Variants in PEBP4 observed in about 807,000 individuals in gnomAD.
The protein encoded by PEBP4 is phosphatidylethanolamine binding protein 4.
In PEBP4, 22 loss-of-function variants were observed where a neutral mutation model predicts 23.9. The observed-to-expected ratio is 0.92, with a 90% CI of 0.66 to 1.31. PEBP4 has a LOEUF of 1.31. Among genes scored for constraint, PEBP4 ranks in the 40% most tolerant of loss-of-function variants. The pLI is 0.00. For synonymous variants in PEBP4, 112 were observed against 99.3 expected (o/e 1.13, Z -0.76); for missense variants, 324 against 281.7 (o/e 1.15, Z -1.07).
chr8:22,929,094 G>C (rs1253252025), upstream of PEBP4, among the ~76,000 whole-genome samples: 1 of 152,192 alleles, frequency 6.6e-6, no homozygotes. Flanking sequence ...CTCCTCACAA[G>C]ATCATTATGA....
At chr8:22,839,247 C>T (rs569366811) in intron 3 of PEBP4, among the ~76,000 whole-genome samples, 11 of 152,050 alleles carry the variant, frequency 7.2e-5, no homozygotes, top group South Asian at 2.1e-4. Flanking sequence ...TTGGTCATCA[C>T]GGGATTCAGC....
intron 4 of PEBP4, among the ~76,000 whole-genome samples, chr8:22,761,111 A>G (rs562699764): frequency 6.6e-6 from 1 of 152,022 alleles, no homozygotes; most frequent in African/African-American, 2.4e-5. Context: ...GGACCCTGCC[A>G]GGCCCCAAAG....
chr8:22,936,171 A>C (rs1204111793), intron 1 of PEBP4, among the ~76,000 whole-genome samples: 1 of 151,984 alleles, frequency 6.6e-6, no homozygotes, highest in African/African-American at 2.4e-5. Flanking sequence ...TGACACTATC[A>C]GCCAGATTAA....
At chr8:22,860,551 G>T (rs1378686420) in intron 3 of PEBP4, among the ~76,000 whole-genome samples, 2 of 151,998 alleles carry the variant, frequency 1.3e-5, no homozygotes, top group Non-Finnish European at 2.9e-5. Flanking sequence ...TAGTAGCATG[G>T]GCCAGAATTT....
Position 22,920,248 on chromosome 8 carries a change from T to C in PEBP4, c.194A>G (p.Asn65Ser). The C allele has an allele frequency of 2.5e-6, 4 of 1,613,872 alleles. No individual in the cohort carries two copies. Among genetic ancestry groups the C allele is most frequent in the Non-Finnish European group, 3.4e-6 (4 of 1,179,830 alleles). Residue 65 changes from asparagine to serine, a missense_variant, in exon 3 of 7, where the codon AAC (asparagine) becomes AGC (serine). Transcript: ENST00000256404. ...GGAGGTGATCTTCTGTCTGTAGTTG[T>C]TACAATCAGGAACAACCTTGCAGCC... is the stretch of plus-strand genomic sequence containing the variant. Reference protein sequence around the residue: ...NIGCKVVPDCNNYRQKITSWM... With the variant: ...NIGCKVVPDCSNYRQKITSWM...
At chr8:22,754,577 G>C (rs1356657153) in intron 4 of PEBP4, among the ~76,000 whole-genome samples, 2 of 152,220 alleles carry the variant, frequency 1.3e-5, no homozygotes, top group African/African-American at 2.4e-5. Flanking sequence ...GCTCTTTTCA[G>C]GGAGCAAAGC....
chr8:22,873,830 A>G (rs571871138), intron 3 of PEBP4, among the ~76,000 whole-genome samples: 20 of 151,904 alleles, frequency 1.3e-4, no homozygotes, highest in East Asian at 9.7e-4. Flanking sequence ...GGTCGGGGGG[A>G]GTCCCAGATC....
At chr8:22,857,477 G>A (rs1807678403) in intron 3 of PEBP4, among the ~76,000 whole-genome samples, 1 of 152,180 alleles carries the variant, frequency 6.6e-6, no homozygotes. Context: ...GTATATTCTG[G>A]CTTTTAAGCA....
At chr8:22,805,266 G>A (rs1359011025) in intron 4 of PEBP4, among the ~76,000 whole-genome samples, 1 of 152,232 alleles carries the variant, frequency 6.6e-6, no homozygotes, top group Non-Finnish European at 1.5e-5. Context: ...GAACCCTAAT[G>A]TAAACTATGG....
At chr8:22,807,555 A>ACAATCAAGGGCC (rs1430349718) in intron 4 of PEBP4, among the ~76,000 whole-genome samples, 1 of 152,220 alleles carries the variant, frequency 6.6e-6, no homozygotes, top group African/African-American at 2.4e-5. Context: ...GACATCTATA[A>ACAATCAAGGGCC]CAATCAAGGG....
intron 4 of PEBP4, among the ~76,000 whole-genome samples, chr8:22,777,310 G>A (rs571226112): frequency 1.3e-5 from 2 of 152,272 alleles, no homozygotes; most frequent in South Asian, 4.2e-4. Flanking sequence ...AGGAGGGTGT[G>A]GCTACCCCAG....
At chr8:22,919,212 G>A (rs535659766) in intron 3 of PEBP4, among the ~76,000 whole-genome samples, 1 of 152,286 alleles carries the variant, frequency 6.6e-6, no homozygotes, top group South Asian at 2.1e-4. Flanking sequence ...CAGCACTGAG[G>A]GGAAGGAAGA....
intron 4 of PEBP4, among the ~76,000 whole-genome samples, chr8:22,795,755 G>T (rs1172092799): frequency 6.6e-6 from 1 of 152,124 alleles, no homozygotes; most frequent in Admixed American, 6.6e-5. Flanking sequence ...CATTCTACAT[G>T]AAAGATTTTT....
chr8:22,782,760 G>A (rs561879169), intron 4 of PEBP4, among the ~76,000 whole-genome samples: 1 of 152,204 alleles, frequency 6.6e-6, no homozygotes. Context: ...GGAGGTTAAG[G>A]ACCGTTTTAT....
chr8:22,713,723 C>T (rs907408257), intron 6 of PEBP4, among the ~76,000 whole-genome samples, 187 bp from the exon 7 acceptor site: 2 of 152,210 alleles, frequency 1.3e-5, no homozygotes, highest in Non-Finnish European at 2.9e-5. Context: ...GTTAGCAGAG[C>T]CTCTGAACAG....
chr8:22,758,927 G>A (rs1012852419), intron 4 of PEBP4, among the ~76,000 whole-genome samples: 2 of 152,036 alleles, frequency 1.3e-5, no homozygotes, highest in African/African-American at 2.4e-5. Context: ...CGGGGCTTAT[G>A]TCAGGAGCTG....
chr8:22,903,064 C>G (rs773845958), intron 3 of PEBP4, among the ~76,000 whole-genome samples: 8 of 152,176 alleles, frequency 5.3e-5, no homozygotes, highest in Non-Finnish European at 7.3e-5. Flanking sequence ...ATTTCAGGTA[C>G]AACCTGAAAC....
intron 3 of PEBP4, among the ~76,000 whole-genome samples, chr8:22,901,877 G>A (rs564043011): frequency 6.6e-6 from 1 of 152,264 alleles, no homozygotes; most frequent in South Asian, 2.1e-4. Context: ...CATGTGTCAT[G>A]TTTTAGAAAG....
chr8:22,879,231 G>A (rs1220330724), intron 3 of PEBP4: 2 of 152,210 alleles, frequency 1.3e-5, no homozygotes, highest in African/African-American at 4.8e-5. Context: ...AATGTTGACA[G>A]AACAGCACTC....
Sources: gnomAD v4.1 joint callset for allele counts (sites outside exome capture counted in the v4.1 genomes callset) on GRCh38, gnomAD v4.1.1 for gene constraint, MANE v1.5 for transcripts, NCBI Gene and HGNC (gene_info 2026-07-23, HGNC 2026-07-21) for gene names.